Variants in MARK4 observed in about 807,000 individuals in gnomAD.
The protein encoded by MARK4 is microtubule affinity regulating kinase 4, also known as MAP/microtubule affinity-regulating kinase 4.
Under a neutral mutation model 81.5 loss-of-function variants are expected in MARK4, and 19 were observed. That is an observed-to-expected ratio of 0.23 (90% CI 0.16 to 0.34). MARK4 has a LOEUF of 0.34. MARK4 is among the 10% of genes least tolerant of loss of function. MARK4 has a pLI of 1.00. For synonymous variants in MARK4, 436 were observed against 439.0 expected (o/e 0.99, Z 0.08); for missense variants, 772 against 1,058.8 (o/e 0.73, Z 3.76).
intron 8 of MARK4, among the ~76,000 whole-genome samples, chr19:45,272,298 C>T (rs1970539136): frequency 1.3e-5 from 2 of 152,226 alleles, no homozygotes; most frequent in African/African-American, 4.8e-5. Flanking sequence ...TGCCACTGCA[C>T]TCCAACCTGG....
intron 2 of MARK4, chr19:45,262,870 T>C: frequency 2.1e-6 from 1 of 470,256 alleles, no homozygotes; most frequent in Non-Finnish European, 3.9e-6. Flanking sequence ...GCTCAAGCGA[T>C]TCTTCCAACT....
chr19:45,302,916 G>A lies in MARK4; in HGVS notation c.*206G>A. ...TGAGGGGGCTCAGCGGGGGGAGCTG[G>A]CACCTTCCTGGAGCCTCCAGCCAGT... is the stretch of plus-strand genomic sequence containing the variant. On this transcript the variant is annotated 3_prime_UTR_variant, in exon 17 of 17. Transcript: ENST00000262891. The surrounding 1 kb of genome is among the most constrained non-coding windows in gnomAD (Gnocchi z 4.9). The A allele has an allele frequency of 2.5e-6, 2 of 807,406 alleles. No homozygotes were observed. The highest frequency in any genetic ancestry group is 3.8e-6 in the Non-Finnish European group (2 of 531,498). 50.0% of individuals were successfully genotyped at this position (807,406 alleles called of 1,614,324 possible). A position where few individuals can be genotyped will look rare whatever the true frequency, so the allele number is the denominator to read the frequency against.
chr19:45,266,326 C>T lies in MARK4; in HGVS notation c.549+45C>T, dbSNP rs753494466. Reference sequence around the variant, plus strand: ...TGATCTCAGGGACCACGGCTCAGCCCACAGACTTCTCCCTGCCCCCACCCC... The same window carrying T: ...TGATCTCAGGGACCACGGCTCAGCCTACAGACTTCTCCCTGCCCCCACCCC... On this transcript the variant is annotated intron_variant, in intron 7 of 16. Coordinates refer to ENST00000262891, the MANE Select transcript of MARK4 (RefSeq NM_001199867.2). 3.1e-6 allele frequency: 5 copies of T among 1,590,770 alleles called. No homozygotes were observed. In the South Asian group the frequency reaches 5.5e-5, roughly 18 times the overall value.
chr19:45,265,993 C>T (rs1443291063), intron 6 of MARK4, among the ~76,000 whole-genome samples: 1 of 151,964 alleles, frequency 6.6e-6, no homozygotes, highest in East Asian at 1.9e-4. Flanking sequence ...AGAGGCTGGT[C>T]CCCATGCCTT....
chr19:45,271,119 C>A lies in MARK4; in HGVS notation c.550-353C>A, dbSNP rs62118529. 2.0e-5 allele frequency among the ~76,000 whole-genome samples: 3 copies of A among 151,938 alleles called. No individual in the cohort carries two copies. The highest frequency in any genetic ancestry group is 7.3e-5 in the African/African-American group (3 of 41,362). ...TGGGGATTCACCATGTTGGCCAGGCCGATCTTGAACTCCTGACCTCAGGTG... is the reference window on the plus strand; with the variant it reads ...TGGGGATTCACCATGTTGGCCAGGCAGATCTTGAACTCCTGACCTCAGGTG... On this transcript the variant is annotated intron_variant, in intron 7 of 16. Transcript: ENST00000262891. This position sits in a 1 kb window ranked among gnomAD's most constrained non-coding sequence, Gnocchi z 4.1.
chr19:45,263,387 A>AG lies in MARK4; in HGVS notation c.355+24dup. 6.2e-7 allele frequency: 1 copy of AG among 1,614,108 alleles called. No homozygotes were observed. Among genetic ancestry groups the AG allele is most frequent in the Non-Finnish European group, 8.5e-7 (1 of 1,179,976 alleles). On this transcript the variant is annotated intron_variant, in intron 4 of 16. Transcript: ENST00000262891. Reference sequence around the variant, plus strand: ...ACATCGGTGAGGAGGGAATGGGAGCAGGGGCAGGCCACCAACTGGAACACT... The same window carrying AG: ...ACATCGGTGAGGAGGGAATGGGAGCAGGGGGCAGGCCACCAACTGGAACACT...
At position 45,287,718 on chromosome 19, in the gene MARK4, CT is replaced by C. The variant is rs781363226; in HGVS notation, c.1494+55del. 15 of 1,555,382 alleles carry C rather than the reference CT, an allele frequency of 9.6e-6. No homozygotes were observed. In the Admixed American group the frequency reaches 2.3e-4, roughly 23 times the overall value. Reference sequence around the variant, plus strand: ...TGGGGGCGCCACCTGGGCCACATTCCTCAGGCCCTGCCTTCATCTCATTCCC... The same window carrying C: ...TGGGGGCGCCACCTGGGCCACATTCCCAGGCCCTGCCTTCATCTCATTCCC... On this transcript the variant is annotated intron_variant, in intron 13 of 16. Transcript: ENST00000262891.
At chr19:45,274,219 A>G (rs746283277) in intron 8 of MARK4, among the ~76,000 whole-genome samples, 9 of 152,176 alleles carry the variant, frequency 5.9e-5, no homozygotes, top group African/African-American at 1.9e-4. Context: ...ACTGTACTCC[A>G]GCCTGGGCAA....
rs1970908764 is a variant in MARK4, at chr19:45,297,833, G to A, written c.1756G>A (p.Gly586Ser). Residue 586 changes from glycine to serine, a missense_variant, in exon 15 of 17, where the codon GGT becomes AGT. Gly to Ser is a moderately conservative substitution (Grantham distance 56). Transcript: ENST00000262891. ...GCGGGCAGGGGGTGGGGGTGGTGGG[G>A]GTGTGCAGAATGGGCCCCCTGCCTC... Reference protein sequence around the residue: ...DRRAGGGGGGGVQNGPPASPT... With the variant: ...DRRAGGGGGGSVQNGPPASPT... 4 of 1,545,810 alleles carry A rather than the reference G, an allele frequency of 2.6e-6. No individual in the cohort carries two copies. In the South Asian group the frequency reaches 3.6e-5, roughly 14 times the overall value.
chr19:45,279,232 A>C (rs927908555), intron 10 of MARK4, among the ~76,000 whole-genome samples: 6 of 151,950 alleles, frequency 3.9e-5, no homozygotes, highest in Non-Finnish European at 7.4e-5. Context: ...AAAAAGAAAA[A>C]AAGGTCAGGC....
chr19:45,266,317 G>A (rs2240672), intron 7 of MARK4, 36 bp downstream of exon 7: 480,641 of 1,605,170 alleles, frequency 0.3, 75,143 homozygotes, highest in Non-Finnish European at 0.33. Flanking sequence ...CAGGGACCAC[G>A]GCTCAGCCCA....
intron 14 of MARK4, 27 bp downstream of exon 14, chr19:45,294,479 G>A: frequency 1.3e-6 from 2 of 1,598,778 alleles, no homozygotes; most frequent in Middle Eastern, 1.7e-4. Context: ...AACAGGGTGA[G>A]GGGTGGGAAG....
rs148710482 is a variant in MARK4, at chr19:45,277,526, A to G, written c.787-397A>G. ...GCTATCCTCCTCCCTCGGCCTCCCA[A>G]CGTGTTTGGATTACAGGTGTGCACC... is the stretch of plus-strand genomic sequence containing the variant. On this transcript the variant is annotated intron_variant, in intron 8 of 16. Coordinates refer to ENST00000262891, the MANE Select transcript of MARK4 (RefSeq NM_001199867.2). Among the ~76,000 whole-genome samples, 1,438 of 149,350 alleles carry G rather than the reference A, an allele frequency of 9.6e-3. 23 individuals carry two copies. Among genetic ancestry groups the G allele is most frequent in the African/African-American group, 0.034 (1,352 of 40,270 alleles).
At chr19:45,260,428 A>G (rs942794653) in intron 2 of MARK4, among the ~76,000 whole-genome samples, 12 of 150,764 alleles carry the variant, frequency 8.0e-5, no homozygotes, top group African/African-American at 2.9e-4. Context: ...GCAGTGGCTC[A>G]TACCAACAAA....
chr19:45,283,269 C>A (rs990652325), intron 12 of MARK4, among the ~76,000 whole-genome samples: 1 of 151,616 alleles, frequency 6.6e-6, no homozygotes, highest in Non-Finnish European at 1.5e-5. Context: ...ATTAGCCGGG[C>A]GTAGTGGCAG....
chr19:45,285,948 C>T (rs938335731), intron 12 of MARK4, among the ~76,000 whole-genome samples: 7 of 152,194 alleles, frequency 4.6e-5, no homozygotes, highest in East Asian at 1.9e-4. Flanking sequence ...CAATAACATC[C>T]TTGAAAATGT....
chr19:45,275,550 G>A (rs1380401530), intron 8 of MARK4, among the ~76,000 whole-genome samples: 5 of 152,098 alleles, frequency 3.3e-5, no homozygotes, highest in African/African-American at 1.2e-4. Flanking sequence ...ACTGGAGCTT[G>A]GCATCTGGCC....
At position 45,251,427 on chromosome 19, in the gene MARK4, C is replaced by T. The variant is rs988923465; in HGVS notation, c.-162C>T. ...TAGGACCCTCGGCGTCCCTTCCCCT[C>T]CCCCGCCCTGCCCCCTCTCCCGCCG... On this transcript the variant is annotated 5_prime_UTR_variant, in exon 1 of 17. Coordinates refer to ENST00000262891, the MANE Select transcript of MARK4 (RefSeq NM_001199867.2). 8.6e-6 allele frequency: 4 copies of T among 463,574 alleles called. No individual in the cohort carries two copies. The highest frequency in any genetic ancestry group is 4.2e-5 in the African/African-American group (2 of 47,338). 28.7% of individuals were successfully genotyped at this position (463,574 alleles called of 1,614,324 possible).
chr19:45,266,073 T>C (rs1442608678), intron 6 of MARK4, 152 bp from the exon 7 acceptor site: 4 of 778,996 alleles, frequency 5.1e-6, no homozygotes, highest in Non-Finnish European at 8.9e-6. Context: ...CACGGGCACC[T>C]CTTGCTGTGA....
Sources: gnomAD v4.1 joint callset for allele counts (sites outside exome capture counted in the v4.1 genomes callset) on GRCh38, gnomAD v4.1.1 for gene constraint, Gnocchi (gnomAD v3.1) non-coding constraint, MANE v1.5 for transcripts, NCBI Gene and HGNC (gene_info 2026-07-23, HGNC 2026-07-21) for gene names.